The following LRP2BP variants were observed in gnomAD, a reference collection of about 807,000 sequenced individuals.
LRP2BP encodes the protein LRP2-binding protein.
LRP2BP carries 38 observed loss-of-function variants against 45.2 expected under a neutral mutation model. That is an observed-to-expected ratio of 0.84 (90% CI 0.65 to 1.10). The LOEUF is 1.10. Among genes scored for constraint, LRP2BP ranks in the 50% least tolerant of loss-of-function variants. The pLI is 0.00. For missense variants in LRP2BP, 385 were observed against 418.9 expected, an observed-to-expected ratio of 0.92 and a Z score of 0.71; for synonymous variants, 153 against 153.9, an observed-to-expected ratio of 0.99 and a Z score of 0.04.
chr4:185,396,830 A>G, upstream of LRP2BP: 1 of 1,360,518 alleles, frequency 7.4e-7, no homozygotes, highest in South Asian at 1.2e-5. Context: ...CTCCCGTGCT[A>G]GGGCCAGCCT....
chr4:185,368,969 T>A (rs1246260938), intron 8 of LRP2BP, among the ~76,000 whole-genome samples: 1 of 151,794 alleles, frequency 6.6e-6, no homozygotes, highest in Non-Finnish European at 1.5e-5. Flanking sequence ...AATTTTTGTA[T>A]TTCTAGTAGA....
At chr4:185,368,873 A>G (rs1464499211) in intron 8 of LRP2BP, among the ~76,000 whole-genome samples, 2 of 148,144 alleles carry the variant, frequency 1.4e-5, no homozygotes, top group Non-Finnish European at 3.0e-5. Context: ...GGCTCACTGC[A>G]GCCTCCTCCT....
In LRP2BP at chr4:185,365,671, C is replaced by G. The variant is rs1472003271; in HGVS notation, c.*1509G>C. 2 of 134,274 alleles carry G rather than the reference C, an allele frequency of 1.5e-5. No individual in the cohort carries two copies. The allele number at this position is 134,274 out of a possible 1,614,324, so 8.3% of individuals were successfully genotyped here. ...GCCGGGCTAAGATTAGGTCAGGAGACTCCGTCTCAAAAAAAAAAAAATAAT... is the reference window on the plus strand; with the variant it reads ...GCCGGGCTAAGATTAGGTCAGGAGAGTCCGTCTCAAAAAAAAAAAAATAAT... On this transcript the variant is annotated 3_prime_UTR_variant, in exon 9 of 9. Coordinates refer to ENST00000505916, the MANE Select transcript of LRP2BP (RefSeq NM_001377440.1).
At chr4:185,368,191 CT>C (rs1032339234) in intron 8 of LRP2BP, among the ~76,000 whole-genome samples, 4 of 152,060 alleles carry the variant, frequency 2.6e-5, no homozygotes, top group Non-Finnish European at 5.9e-5. Context: ...AAAAAGAAAA[CT>C]TTCCCTTATT....
At chr4:185,384,970 C>T (rs1468745308) in intron 1 of LRP2BP, among the ~76,000 whole-genome samples, 2 of 149,858 alleles carry the variant, frequency 1.3e-5, no homozygotes, top group East Asian at 2.0e-4. Flanking sequence ...TTTTTCCCAC[C>T]CCTTCCTTTT....
At chr4:185,377,243 C>T (rs1352430870) in intron 2 of LRP2BP, 7 of 466,332 alleles carry the variant, frequency 1.5e-5, no homozygotes, top group East Asian at 3.6e-5. Flanking sequence ...ACTGGCCGGG[C>T]GCGGTGGCTC....
upstream of LRP2BP, chr4:185,396,715 G>A (rs2126866082): frequency 1.7e-6 from 1 of 595,000 alleles, no homozygotes; most frequent in South Asian, 2.0e-5. Context: ...GCCGTGGCGG[G>A]GCTGGACAGG....
At chr4:185,369,847 AT>A in intron 8 of LRP2BP, 1 of 409,822 alleles carries the variant, frequency 2.4e-6, no homozygotes, top group Admixed American at 3.0e-5. Context: ...TCCTCGGGTG[AT>A]TTTAACATGC....
chr4:185,374,038 T>G lies in LRP2BP; in HGVS notation c.579+97A>C, dbSNP rs2095424897. 6.3e-6 allele frequency: 6 copies of G among 952,798 alleles called. No homozygotes were observed. The South Asian group carries it at 9.4e-5, about 15-fold the overall frequency. The allele number at this position is 952,798 out of a possible 1,614,324, so 59.0% of individuals were successfully genotyped here. On this transcript the variant is annotated intron_variant, in intron 6 of 8. Coordinates refer to ENST00000505916, the MANE Select transcript of LRP2BP (RefSeq NM_001377440.1). ...TTACATTTAAAGGAACTATAAGAGA[T>G]ATTTAAAACGACATTCCCCACCATT...
At chr4:185,368,231 C>A (rs2126777027) in intron 8 of LRP2BP, among the ~76,000 whole-genome samples, 1 of 152,300 alleles carries the variant, frequency 6.6e-6, no homozygotes, top group East Asian at 1.9e-4. Context: ...CCATGTACTC[C>A]AGAATCCTCG....
At chr4:185,383,025 T>C (rs915130024) in intron 1 of LRP2BP, among the ~76,000 whole-genome samples, 1 of 152,224 alleles carries the variant, frequency 6.6e-6, no homozygotes, top group Non-Finnish European at 1.5e-5. Flanking sequence ...TTCTTTTGCA[T>C]GTGGATATCC....
chr4:185,389,293 C>T (rs2095481671), intron 1 of LRP2BP, among the ~76,000 whole-genome samples: 3 of 152,056 alleles, frequency 2.0e-5, no homozygotes, highest in Admixed American at 2.0e-4. Flanking sequence ...ACTGCAACCT[C>T]CACCTCCCAG....
upstream of LRP2BP, chr4:185,396,382 C>G (rs998193921): frequency 2.0e-5 from 3 of 152,760 alleles, no homozygotes; most frequent in African/African-American, 7.2e-5. Flanking sequence ...GTTACGTGCG[C>G]GCCGGCAGAG....
intron 1 of LRP2BP, among the ~76,000 whole-genome samples, chr4:185,394,157 C>T (rs1323165304): frequency 6.6e-6 from 1 of 151,058 alleles, no homozygotes; most frequent in African/African-American, 2.4e-5. Flanking sequence ...ACTTGGGTGG[C>T]TGACGCACGA....
At chr4:185,367,366 A>G in intron 8 of LRP2BP, 121 bp from the exon 9 acceptor site, 1 of 828,340 alleles carries the variant, frequency 1.2e-6, no homozygotes, top group Non-Finnish European at 1.9e-6. Flanking sequence ...ATTTCAAGAA[A>G]ATTTGTTAAG....
At chr4:185,371,502 A>C (rs200247674) in intron 7 of LRP2BP, among the ~76,000 whole-genome samples, 5 of 142,726 alleles carry the variant, frequency 3.5e-5, no homozygotes, top group East Asian at 2.1e-4. Flanking sequence ...AGATCGCACC[A>C]CTGCACTCCA....
At chr4:185,393,054 C>A (rs2095492430) in intron 1 of LRP2BP, among the ~76,000 whole-genome samples, 1 of 152,168 alleles carries the variant, frequency 6.6e-6, no homozygotes, top group East Asian at 1.9e-4. Flanking sequence ...CCACCTCAGC[C>A]TCTCAAGTAG....
chr4:185,369,404 C>T (rs923029762), intron 8 of LRP2BP, among the ~76,000 whole-genome samples: 10 of 151,466 alleles, frequency 6.6e-5, no homozygotes, highest in African/African-American at 2.2e-4. Context: ...TCAGTAGAGA[C>T]AGGATTATTT....
chr4:185,390,924 A>C (rs751373272), intron 1 of LRP2BP: 1 of 152,196 alleles, frequency 6.6e-6, no homozygotes, highest in Non-Finnish European at 1.5e-5. Context: ...ACAACTAGGA[A>C]ACCAACATTG....
Sources: allele counts gnomAD v4.1 joint callset (sites outside exome capture counted in the v4.1 genomes callset), GRCh38; gene constraint gnomAD v4.1.1; transcripts MANE v1.5; gene names NCBI Gene and HGNC (gene_info 2026-07-23, HGNC 2026-07-21).